The following DMXL1 variants were observed in gnomAD, a reference collection of about 807,000 sequenced individuals.
DMXL1 encodes the protein dmX-like protein 1.
In DMXL1, 99 loss-of-function variants were observed where a neutral mutation model predicts 319.2. The observed-to-expected ratio is 0.31, with a 90% CI of 0.26 to 0.37. The LOEUF (loss-of-function observed/expected upper bound fraction) is 0.37, where lower values mean the gene tolerates loss of function less well. Among genes scored for constraint, DMXL1 ranks in the 10% least tolerant of loss-of-function variants. The pLI, the probability that DMXL1 is intolerant of heterozygous loss-of-function variation, is 1.00. For missense variants in DMXL1, 3,745 were observed against 3,595.6 expected, an observed-to-expected ratio of 1.04 and a Z score of -1.06; for synonymous variants, 1,385 against 1,235.2, an observed-to-expected ratio of 1.12 and a Z score of -2.54.
chr5:119,097,940 C>A (rs1300371987), intron 1 of DMXL1, 39 bp from the exon 2 acceptor site: 8 of 1,520,780 alleles, frequency 5.3e-6, no homozygotes, highest in Non-Finnish European at 4.5e-6. Context: ...TAAATGTTTC[C>A]TTGACACTTT....
chr5:119,096,075 C>T (rs1215574944), intron 1 of DMXL1, among the ~76,000 whole-genome samples: 1 of 151,980 alleles, frequency 6.6e-6, no homozygotes, highest in Non-Finnish European at 1.5e-5. Flanking sequence ...CCATATAGCA[C>T]ATTCATTTGT....
In DMXL1 at chr5:119,148,992, T is replaced by C; in HGVS notation, c.3165T>C (p.Asn1055=). The part of the protein sequence containing the change: ...RPVEVSCAHT[N]RLAVAYKQPA... ...TAGAAGTTAGCTGTGCACATACAAATCGTTTAGCAGTAGCTTATAAGCAGC... is the reference window on the plus strand; with the variant it reads ...TAGAAGTTAGCTGTGCACATACAAACCGTTTAGCAGTAGCTTATAAGCAGC... The change falls in exon 18 of 44, where the codon AAT becomes AAC. Residue 1055 remains asparagine (N), a synonymous_variant. Transcript: ENST00000539542. The C allele has an allele frequency of 6.2e-7, 1 of 1,613,934 alleles. No individual in the cohort carries two copies. Among genetic ancestry groups the C allele is most frequent in the Non-Finnish European group, 8.5e-7 (1 of 1,179,864 alleles).
At chr5:119,096,829 C>G (rs903657081) in intron 1 of DMXL1, among the ~76,000 whole-genome samples, 1 of 152,202 alleles carries the variant, frequency 6.6e-6, no homozygotes, top group African/African-American at 2.4e-5. Context: ...AAATTAAATG[C>G]TTCATTTATT....
At chr5:119,206,980 C>A in intron 34 of DMXL1, 84 bp downstream of exon 34, 2 of 791,572 alleles carry the variant, frequency 2.5e-6, no homozygotes, top group East Asian at 2.9e-5. Flanking sequence ...TTAAACTGGT[C>A]TTTGTTTCCA....
chr5:119,086,699 T>G (rs1753447954), intron 1 of DMXL1, among the ~76,000 whole-genome samples: 1 of 152,188 alleles, frequency 6.6e-6, no homozygotes, highest in South Asian at 2.1e-4. Context: ...ATAAAATACT[T>G]TTTATTATGG....
At chr5:119,130,012 G>A (rs76118228) in intron 10 of DMXL1, among the ~76,000 whole-genome samples, 4,269 of 152,194 alleles carry the variant, frequency 0.028, 189 homozygotes, top group African/African-American at 0.097. Flanking sequence ...GCCTTTATAT[G>A]CTGAGAAATG....
chr5:119,210,756 C>CTTTTTTT (rs1205202596), intron 34 of DMXL1, among the ~76,000 whole-genome samples: 4 of 65,968 alleles, frequency 6.1e-5, no homozygotes, highest in African/African-American at 1.0e-4. Flanking sequence ...TTTTTTCTTT[C>CTTTTTTT]GTTTTTTTTT....
chr5:119,130,944 A>G (rs892426871), intron 10 of DMXL1, among the ~76,000 whole-genome samples: 4 of 151,974 alleles, frequency 2.6e-5, no homozygotes, highest in African/African-American at 4.8e-5. Context: ...TACTTCCTCT[A>G]AGTGTATCTA....
chr5:119,210,757 G>GTTTTTTTTTTTTTTTTTTTTTCCT, intron 34 of DMXL1, among the ~76,000 whole-genome samples: 3 of 89,778 alleles, frequency 3.3e-5, no homozygotes, highest in Non-Finnish European at 2.1e-5. Context: ...TTTTTCTTTC[G>GTTTTTTTTTTTTTTTTTTTTTCCT]TTTTTTTTTT....
chr5:119,131,713 T>G (rs1411526205), intron 10 of DMXL1, among the ~76,000 whole-genome samples: 1 of 152,202 alleles, frequency 6.6e-6, no homozygotes, highest in Non-Finnish European at 1.5e-5. Flanking sequence ...CAGTTTAATA[T>G]TAGGTCTTCT....
In DMXL1 at chr5:119,146,980, G is replaced by A. The variant is rs769805602; in HGVS notation, c.2689+24G>A. ...AGGTGAGTCTTTTGTGTGTGTGTTT[G>A]TGCAACTTTAATAGGTGTAAGTTAA... On this transcript the variant is annotated intron_variant, in intron 16 of 43. Coordinates refer to ENST00000539542, the MANE Select transcript of DMXL1 (RefSeq NM_001290321.3). 1.9e-6 allele frequency: 3 copies of A among 1,608,072 alleles called. No individual in the cohort carries two copies. The African/African-American group carries it at 4.0e-5, about 22-fold the overall frequency.
At chr5:119,138,605 G>A (rs776882021) in intron 13 of DMXL1, among the ~76,000 whole-genome samples, 7 of 152,282 alleles carry the variant, frequency 4.6e-5, no homozygotes, top group Middle Eastern at 3.4e-3. Context: ...TTTGGAGGCC[G>A]TGGCAGGTGG....
rs139272789 is a variant in DMXL1, at chr5:119,212,229, C to G, written c.7927-4672C>G. ...GCTCCCCATTCCTCTGGCGCCCACT[C>G]CAGGCAACCACCATTCTGCTTTTTG... On this transcript the variant is annotated intron_variant, in intron 34 of 43. Transcript: ENST00000539542. 7.4e-3 allele frequency among the ~76,000 whole-genome samples: 1,122 copies of G among 152,236 alleles called. 6 individuals are homozygous for G. Among genetic ancestry groups the G allele is most frequent in the Admixed American group, 0.015 (234 of 15,274 alleles).
intron 1 of DMXL1, among the ~76,000 whole-genome samples, chr5:119,088,039 TG>T (rs1753765767): frequency 6.6e-6 from 1 of 152,134 alleles, no homozygotes; most frequent in Non-Finnish European, 1.5e-5. Flanking sequence ...TGACTTCAGG[TG>T]ATCTGCCAGC....
rs781153996 is a variant in DMXL1, at chr5:119,224,749, C to G, written c.8318C>G (p.Ser2773Cys). 2 of 1,312,452 alleles carry G rather than the reference C, an allele frequency of 1.5e-6. No homozygotes were observed. The highest frequency in any genetic ancestry group is 2.0e-6 in the Non-Finnish European group (2 of 985,870). 81.3% of individuals were successfully genotyped at this position (1,312,452 alleles called of 1,614,324 possible). A position where few individuals can be genotyped will look rare whatever the true frequency, so the allele number is the denominator to read the frequency against. The change falls in exon 38 of 44, where the codon TCT (serine) becomes TGT (cysteine). Residue 2773 changes from serine to cysteine, a missense_variant. Physicochemically the swap from Ser to Cys is moderately radical, Grantham distance 112 (BLOSUM62 -1). Around this residue, in one of 4 missense-constraint regions of DMXL1, gnomAD observed 1,382 missense variants for 1,269.5 expected, o/e 1.09. Coordinates refer to ENST00000539542, the MANE Select transcript of DMXL1 (RefSeq NM_001290321.3). ...ATTAATAATGTTAGAAGAATGACTT[C>G]TCATCCAACTCTTCCTTACTGTAAG... is the stretch of plus-strand genomic sequence containing the variant. ...KAINNVRRMT[S>C]HPTLPYYLTG...
intron 1 of DMXL1, among the ~76,000 whole-genome samples, chr5:119,076,958 T>G (rs541724830): frequency 6.6e-6 from 1 of 152,356 alleles, no homozygotes; most frequent in South Asian, 2.1e-4. Flanking sequence ...ATTTGTCAAT[T>G]TAATTTTATT....
intron 34 of DMXL1, among the ~76,000 whole-genome samples, chr5:119,213,060 C>T (rs542479631): frequency 1.3e-5 from 2 of 152,340 alleles, no homozygotes; most frequent in Admixed American, 6.5e-5. Flanking sequence ...GAGCTTGCCT[C>T]ACTTTACATT....
chr5:119,097,139 CAAG>C (rs759683047), intron 1 of DMXL1, among the ~76,000 whole-genome samples: 2 of 152,086 alleles, frequency 1.3e-5, no homozygotes, highest in Admixed American at 1.3e-4. Context: ...GGAACAGAAA[CAAG>C]AGCCAGCTGA....
chr5:119,079,744 A>T (rs188377255), intron 1 of DMXL1, among the ~76,000 whole-genome samples: 214 of 151,930 alleles, frequency 1.4e-3, no homozygotes, highest in Admixed American at 3.1e-3. Context: ...GAATCAACAG[A>T]TCTCCTTTGT....
Sources: allele counts gnomAD v4.1 joint callset (sites outside exome capture counted in the v4.1 genomes callset), GRCh38; gene constraint gnomAD v4.1.1; regional missense constraint gnomAD v4.1.1; transcripts MANE v1.5; gene names NCBI Gene and HGNC (gene_info 2026-07-23, HGNC 2026-07-21).